STARD10: variants seen among roughly 807,000 people sequenced by gnomAD.
The protein encoded by STARD10 is START domain-containing protein 10.
Under a neutral mutation model 36.0 loss-of-function variants are expected in STARD10, and 24 were observed. The observed-to-expected ratio is 0.67, with a 90% confidence interval of 0.48 to 0.94. The LOEUF (loss-of-function observed/expected upper bound fraction) is 0.94, where lower values mean the gene tolerates loss of function less well. Ranked by LOEUF, STARD10 falls within the 40% of genes least tolerant of loss-of-function variation. The pLI is 0.00. For synonymous variants in STARD10, 156 were observed against 161.9 expected (o/e 0.96, Z 0.28); for missense variants, 335 against 396.6 (o/e 0.84, Z 1.32).
intron 2 of STARD10, among the ~76,000 whole-genome samples, chr11:72,778,526 G>A (rs1287742887): frequency 6.6e-6 from 1 of 152,214 alleles, no homozygotes; most frequent in Non-Finnish European, 1.5e-5. Context: ...GATCAGGAGT[G>A]GGAGCTGGCA....
intron 2 of STARD10, among the ~76,000 whole-genome samples, chr11:72,770,398 A>G (rs1478286205): frequency 6.6e-6 from 1 of 152,108 alleles, no homozygotes; most frequent in Non-Finnish European, 1.5e-5. Flanking sequence ...TTGTATTTTT[A>G]GTAGAGATGG....
chr11:72,755,379 C>A, intron 6 of STARD10: 2 of 552,586 alleles, frequency 3.6e-6, no homozygotes, highest in Non-Finnish European at 6.3e-6. Context: ...GGCATGATAT[C>A]GGCTCACTGC....
intron 2 of STARD10, among the ~76,000 whole-genome samples, chr11:72,774,287 C>A (rs1858902755): frequency 6.6e-6 from 1 of 152,180 alleles, no homozygotes; most frequent in Non-Finnish European, 1.5e-5. Context: ...ACATAGGATT[C>A]CAGAGAAGCA....
intron 2 of STARD10, among the ~76,000 whole-genome samples, chr11:72,778,737 C>T (rs1013730821): frequency 6.6e-6 from 1 of 152,212 alleles, no homozygotes; most frequent in Non-Finnish European, 1.5e-5. Flanking sequence ...TGACTCTAGG[C>T]AGGTCCCTGC....
At chr11:72,778,217 C>A (rs1400885434) in intron 2 of STARD10, among the ~76,000 whole-genome samples, 2 of 152,238 alleles carry the variant, frequency 1.3e-5, no homozygotes, top group Non-Finnish European at 2.9e-5. Context: ...GGCAGGGGCT[C>A]TGGAGCCAGG....
chr11:72,772,937 G>A (rs139959417), intron 2 of STARD10, among the ~76,000 whole-genome samples: 87 of 152,260 alleles, frequency 5.7e-4, no homozygotes, highest in African/African-American at 2.0e-3. Context: ...CTGAGTATAT[G>A]TCTCTGTCCC....
intron 6 of STARD10, 191 bp downstream of exon 6, chr11:72,755,510 C>G: frequency 1.5e-6 from 1 of 672,268 alleles, no homozygotes; most frequent in Non-Finnish European, 2.7e-6. Context: ...AGGGTTTCAC[C>G]ATGTTGGCCA....
chr11:72,760,145 C>G (rs1312134467), intron 2 of STARD10, among the ~76,000 whole-genome samples: 1 of 152,144 alleles, frequency 6.6e-6, no homozygotes, highest in African/African-American at 2.4e-5. Context: ...TTGTGATCCA[C>G]CCACCTCGGC....
chr11:72,787,612 G>C (rs533738364), intron 1 of STARD10, among the ~76,000 whole-genome samples: 2 of 152,358 alleles, frequency 1.3e-5, no homozygotes, highest in South Asian at 4.1e-4. Context: ...ACTGGCGCCT[G>C]CCAGGAACTC....
intron 2 of STARD10, among the ~76,000 whole-genome samples, chr11:72,764,881 G>A (rs1452376173): frequency 6.6e-6 from 1 of 152,232 alleles, no homozygotes; most frequent in Non-Finnish European, 1.5e-5. Flanking sequence ...AGGAACCCAA[G>A]GGGTGTTGCT....
intron 2 of STARD10, among the ~76,000 whole-genome samples, 198 bp from the exon 3 acceptor site, chr11:72,759,579 C>A (rs746787683): frequency 5.9e-5 from 9 of 152,162 alleles, no homozygotes; most frequent in Non-Finnish European, 1.0e-4. Flanking sequence ...AGGAGACAGA[C>A]AGCCTCTGTA....
At chr11:72,782,788 T>G (rs1859022152) in intron 1 of STARD10, among the ~76,000 whole-genome samples, 1 of 152,196 alleles carries the variant, frequency 6.6e-6, no homozygotes, top group South Asian at 2.1e-4. Context: ...CTGTGTGAAC[T>G]GAGGCCAGTA....
rs542293512 is a variant in STARD10 at position 72,755,306 on chromosome 11, CTTTTTTTTTTTT to C, written c.631-176_631-165del. 4.2e-5 allele frequency: 15 copies of C among 355,968 alleles called. 2 individuals carry two copies. The highest frequency in any genetic ancestry group is 2.9e-4 in the East Asian group (5 of 17,014). 22.1% of individuals were successfully genotyped at this position (355,968 alleles called of 1,614,324 possible). On this transcript the variant is annotated intron_variant, in intron 6 of 6. Coordinates refer to ENST00000334805, the MANE Select transcript of STARD10 (RefSeq NM_006645.3). ...TGGGCCCTAGGCTCCATTCTCCATTCTTTTTTTTTTTTTTTTTTTTTTGAGACGGAATCTCAC... is the reference window on the plus strand; with the variant it reads ...TGGGCCCTAGGCTCCATTCTCCATTCTTTTTTTTTTGAGACGGAATCTCAC...
chr11:72,785,280 A>AG (rs1859057109), intron 1 of STARD10, among the ~76,000 whole-genome samples: 1 of 151,940 alleles, frequency 6.6e-6, no homozygotes, highest in African/African-American at 2.4e-5. Context: ...ATAAGAACCT[A>AG]GGGGCCGGGT....
intron 2 of STARD10, among the ~76,000 whole-genome samples, chr11:72,771,809 G>A (rs74579772): frequency 5.3e-5 from 8 of 152,138 alleles, no homozygotes; most frequent in East Asian, 1.9e-4. Context: ...CTGGGGGGGC[G>A]AGGGGGAGCC....
chr11:72,781,488 T>C lies in STARD10; in HGVS notation c.-113-194A>G, dbSNP rs1250746983. Among the ~76,000 whole-genome samples the C allele has an allele frequency of 1.3e-5, 2 of 150,852 alleles. No homozygotes were observed. The highest frequency in any genetic ancestry group is 3.0e-5 in the Non-Finnish European group (2 of 67,610). On this transcript the variant is annotated intron_variant, in intron 1 of 6. Coordinates refer to ENST00000334805, the MANE Select transcript of STARD10 (RefSeq NM_006645.3). This position sits in a 1 kb window ranked among gnomAD's most constrained non-coding sequence, Gnocchi z 4.7. ...CTGGGGCCGGCGTGGGGACTGCGTA[T>C]GGGACGCGGTGGCCGGCGGGCGCCC...
At chr11:72,776,179 T>C (rs566139552) in intron 2 of STARD10, among the ~76,000 whole-genome samples, 6 of 152,296 alleles carry the variant, frequency 3.9e-5, no homozygotes, top group Admixed American at 6.5e-5. Flanking sequence ...TCTGATGGCA[T>C]AGACTGGCAA....
In STARD10 at chr11:72,790,751, G is replaced by C. The variant is rs531844261; in HGVS notation, c.-114+2124C>G. Among the ~76,000 whole-genome samples the C allele has an allele frequency of 8.7e-4, 133 of 152,364 alleles. 1 individual carries two copies. Among genetic ancestry groups the C allele is most frequent in the African/African-American group, 3.2e-3 (132 of 41,582 alleles). On this transcript the variant is annotated intron_variant, in intron 1 of 6. Transcript: ENST00000334805. The stretch of plus-strand genomic sequence containing the variant: ...TTCACTCTTGGCCTCAGGTTGTGGG[G>C]AAGAGAATCATGTGCATGTGCAGGT...
intron 2 of STARD10, among the ~76,000 whole-genome samples, chr11:72,763,165 A>G (rs1385943689): frequency 2.6e-5 from 4 of 152,088 alleles, no homozygotes; most frequent in African/African-American, 4.8e-5. Context: ...ACAGTTGATC[A>G]CTCTACCATG....
Sources: allele counts gnomAD v4.1 joint callset (sites outside exome capture counted in the v4.1 genomes callset), GRCh38; gene constraint gnomAD v4.1.1; non-coding constraint Gnocchi (gnomAD v3.1); transcripts MANE v1.5; gene names NCBI Gene and HGNC (gene_info 2026-07-23, HGNC 2026-07-21).